The following ATG7 variants were observed in gnomAD, a reference collection of about 807,000 sequenced individuals.
ATG7 encodes the protein autophagy related 7, also known as ubiquitin-like modifier-activating enzyme ATG7.
In ATG7, 70 loss-of-function variants were observed where a neutral mutation model predicts 82.4. The observed-to-expected ratio is 0.85, with a 90% CI of 0.70 to 1.04. The LOEUF is 1.04. Among genes scored for constraint, ATG7 ranks in the 50% least tolerant of loss-of-function variants. The probability of loss-of-function intolerance (pLI) is 0.00; values close to 1 mark genes in which losing one functional copy is unlikely to be tolerated. For missense variants in ATG7, 792 were observed against 864.3 expected, an observed-to-expected ratio of 0.92 and a Z score of 1.05; for synonymous variants, 287 against 313.0, an observed-to-expected ratio of 0.92 and a Z score of 0.88.
At chr3:11,536,643 C>T (rs781369783) in intron 20 of ATG7, among the ~76,000 whole-genome samples, 2 of 152,218 alleles carry the variant, frequency 1.3e-5, no homozygotes, top group Admixed American at 6.5e-5. Context: ...CGGGGAGTCC[C>T]GAGAGCGGAC....
chr3:11,466,995 G>T (rs1256574079), intron 20 of ATG7, among the ~76,000 whole-genome samples: 3 of 152,060 alleles, frequency 2.0e-5, no homozygotes, highest in Non-Finnish European at 4.4e-5. Flanking sequence ...GTGGTGGCGG[G>T]CGCCTGTAAT....
intron 20 of ATG7, among the ~76,000 whole-genome samples, chr3:11,484,933 C>T (rs558303001): frequency 6.6e-6 from 1 of 152,232 alleles, no homozygotes; most frequent in East Asian, 1.9e-4. Flanking sequence ...TTTCTTAATC[C>T]AGTCTATCGT....
At chr3:11,495,690 A>G (rs761280643) in intron 20 of ATG7, among the ~76,000 whole-genome samples, 1 of 152,108 alleles carries the variant, frequency 6.6e-6, no homozygotes, top group African/African-American at 2.4e-5. Context: ...CTGAAGCTGT[A>G]AGTCAGTCAT....
chr3:11,277,971 G>T (rs1942247434), intron 1 of ATG7, among the ~76,000 whole-genome samples: 1 of 139,634 alleles, frequency 7.2e-6, no homozygotes, highest in Admixed American at 8.2e-5. Context: ...AGAATTTAGT[G>T]ATATCTTCCC....
intron 20 of ATG7, among the ~76,000 whole-genome samples, chr3:11,548,669 A>G (rs187878633): frequency 1.4e-3 from 215 of 152,304 alleles, no homozygotes; most frequent in Non-Finnish European, 1.9e-3. Flanking sequence ...CACTAAAGAA[A>G]TCCCGGAACT....
At chr3:11,506,587 C>CAAAAAAAAAAAA (rs1275955326) in intron 20 of ATG7, among the ~76,000 whole-genome samples, 7 of 119,534 alleles carry the variant, frequency 5.9e-5, no homozygotes, top group African/African-American at 1.4e-4. Context: ...AAAAAAAACC[C>CAAAAAAAAAAAA]AAAAATTAGC....
chr3:11,445,369 G>A (rs942780990), intron 20 of ATG7, among the ~76,000 whole-genome samples: 4 of 152,168 alleles, frequency 2.6e-5, no homozygotes, highest in Admixed American at 1.3e-4. Context: ...ATACTATGCA[G>A]CCATAAAAAA....
chr3:11,424,037 C>G (rs2082158721), intron 19 of ATG7, among the ~76,000 whole-genome samples: 1 of 152,172 alleles, frequency 6.6e-6, no homozygotes, highest in South Asian at 2.1e-4. Flanking sequence ...TAGTCTAACC[C>G]TTCTCGGGTC....
chr3:11,398,346 G>A (rs62245869), intron 19 of ATG7, among the ~76,000 whole-genome samples: 131,929 of 151,986 alleles, frequency 0.87, 57,582 homozygotes, highest in East Asian at 1. Flanking sequence ...AAGTTTCAAC[G>A]AATTTCAGAG....
At chr3:11,576,138 G>A in the ATG7 span, among the ~76,000 whole-genome samples, 5 of 152,312 alleles carry the variant, frequency 3.3e-5, no homozygotes, top group South Asian at 2.1e-4. Context: ...CTGCCCCCAC[G>A]TTAGCAACTG....
At chr3:11,338,006 A>T (rs1434836226) in intron 11 of ATG7, among the ~76,000 whole-genome samples, 1 of 152,066 alleles carries the variant, frequency 6.6e-6, no homozygotes, top group Admixed American at 6.5e-5. Context: ...GTGGTTTGTT[A>T]TATAAGTAAA....
chr3:11,461,470 T>G (rs1245057154), intron 20 of ATG7, among the ~76,000 whole-genome samples: 1 of 152,196 alleles, frequency 6.6e-6, no homozygotes, highest in Non-Finnish European at 1.5e-5. Flanking sequence ...TTCCCCTCTC[T>G]GCCCTGTGAA....
chr3:11,570,504 C>T, the ATG7 span, among the ~76,000 whole-genome samples: 1 of 152,186 alleles, frequency 6.6e-6, no homozygotes, highest in Non-Finnish European at 1.5e-5. Flanking sequence ...ACTGCAGCCC[C>T]CACGCCCTAA....
intron 9 of ATG7, among the ~76,000 whole-genome samples, chr3:11,322,801 G>A (rs1950381480): frequency 6.6e-6 from 1 of 152,086 alleles, no homozygotes; most frequent in Non-Finnish European, 1.5e-5. Context: ...CGGAATTACT[G>A]CGTTACAGAG....
chr3:11,430,602 A>T (rs2082785692), intron 20 of ATG7, among the ~76,000 whole-genome samples: 1 of 152,232 alleles, frequency 6.6e-6, no homozygotes, highest in Non-Finnish European at 1.5e-5. Context: ...TTTATAAAAT[A>T]CGTGTTTAAA....
At chr3:11,327,473 A>G (rs533143343) in intron 9 of ATG7, among the ~76,000 whole-genome samples, 8 of 152,316 alleles carry the variant, frequency 5.3e-5, no homozygotes, top group African/African-American at 1.9e-4. Flanking sequence ...GAGGTCTGGG[A>G]TCAGATTGAG....
At chr3:11,471,212 C>G (rs1185221239) in intron 20 of ATG7, among the ~76,000 whole-genome samples, 2 of 152,176 alleles carry the variant, frequency 1.3e-5, no homozygotes, top group African/African-American at 4.8e-5. Context: ...ATCAGCTCTT[C>G]AGCATGGCAG....
downstream of ATG7, chr3:11,558,471 C>G: frequency 7.3e-7 from 1 of 1,369,954 alleles, no homozygotes; most frequent in Non-Finnish European, 9.8e-7. Flanking sequence ...ACCCCACCCC[C>G]ATGATTTTTT....
intron 20 of ATG7, among the ~76,000 whole-genome samples, chr3:11,500,154 G>A (rs1575067639): frequency 6.6e-6 from 1 of 152,268 alleles, no homozygotes; most frequent in South Asian, 2.1e-4. Flanking sequence ...TTCAATAGCA[G>A]CAACGCGCAA....
Sources: allele counts gnomAD v4.1 joint callset (sites outside exome capture counted in the v4.1 genomes callset), GRCh38; gene constraint gnomAD v4.1.1; transcripts MANE v1.5; gene names NCBI Gene and HGNC (gene_info 2026-07-23, HGNC 2026-07-21).